Variants in PRKAR2B observed in about 807,000 individuals in gnomAD.
PRKAR2B encodes protein kinase cAMP-dependent type II regulatory subunit beta.
In PRKAR2B, 14 loss-of-function variants were observed where a neutral mutation model predicts 49.9. That is an observed-to-expected ratio of 0.28 (90% CI 0.19 to 0.44). PRKAR2B has a LOEUF of 0.44. PRKAR2B is among the 20% of genes least tolerant of loss of function. The pLI is 1.00. For missense variants in PRKAR2B, 393 were observed against 537.9 expected (o/e 0.73, Z 2.67); for synonymous variants, 196 against 197.7 (o/e 0.99, Z 0.07).
chr7:107,091,187 G>A (rs570380939), intron 2 of PRKAR2B, among the ~76,000 whole-genome samples: 1 of 152,292 alleles, frequency 6.6e-6, no homozygotes, highest in South Asian at 2.1e-4. Flanking sequence ...GTGCAAAAAG[G>A]ATCGTTTTTG....
intron 1 of PRKAR2B, among the ~76,000 whole-genome samples, chr7:107,057,943 A>G (rs1793947627): frequency 6.6e-6 from 1 of 152,174 alleles, no homozygotes; most frequent in African/African-American, 2.4e-5. Flanking sequence ...ATGAAAGTAA[A>G]GTCTTTAAAT....
intron 2 of PRKAR2B, among the ~76,000 whole-genome samples, chr7:107,100,823 C>CTTTTTTTTTTTTTTTTTTTT (rs1390181928): frequency 7.2e-6 from 1 of 139,218 alleles, no homozygotes; most frequent in Non-Finnish European, 1.6e-5. Flanking sequence ...CCAGAACTTG[C>CTTTTTTTTTTTTTTTTTTTT]TTTTTTTTTT....
chr7:107,110,027 C>T (rs372974647), intron 2 of PRKAR2B, among the ~76,000 whole-genome samples: 2 of 152,318 alleles, frequency 1.3e-5, no homozygotes, highest in East Asian at 3.9e-4. Flanking sequence ...AGGAGACAGT[C>T]TTGGGTTACC....
At chr7:107,058,496 T>C (rs1292579897) in intron 1 of PRKAR2B, among the ~76,000 whole-genome samples, 1 of 152,216 alleles carries the variant, frequency 6.6e-6, no homozygotes, top group Non-Finnish European at 1.5e-5. Context: ...TACAAATTGC[T>C]AATAATTTAT....
intron 2 of PRKAR2B, among the ~76,000 whole-genome samples, chr7:107,120,092 A>C (rs2115580835): frequency 6.6e-6 from 1 of 152,294 alleles, no homozygotes; most frequent in East Asian, 1.9e-4. Flanking sequence ...AAGTGATGAC[A>C]TTAACACCTA....
rs1347522011 is a variant in PRKAR2B, at chr7:107,121,991, A to T, written c.383A>T (p.Asp128Val). ...EAYNPDEEED[D>V]AESRIIHPKT... ...TATAATCCTGATGAAGAAGAAGATG[A>T]TGCAGAGTCCAGGGTATGTAATTTA... The change falls in exon 3 of 11, where the codon GAT becomes GTT. Residue 128 changes from aspartate (D) to valine (V), a missense_variant. By Grantham distance (152) the Asp-to-Val change is radical. Coordinates refer to ENST00000265717, the MANE Select transcript of PRKAR2B (RefSeq NM_002736.3). 4.4e-6 allele frequency: 7 copies of T among 1,597,622 alleles called. No individual in the cohort carries two copies. Among genetic ancestry groups the T allele is most frequent in the Non-Finnish European group, 6.0e-6 (7 of 1,168,242 alleles).
At chr7:107,056,440 A>G (rs1160797791) in intron 1 of PRKAR2B, among the ~76,000 whole-genome samples, 1 of 152,144 alleles carries the variant, frequency 6.6e-6, no homozygotes, top group Non-Finnish European at 1.5e-5. Flanking sequence ...GATTCTTCCT[A>G]TCCATGAGCA....
intron 2 of PRKAR2B, among the ~76,000 whole-genome samples, chr7:107,071,056 T>C (rs544224284): frequency 6.6e-6 from 1 of 152,336 alleles, no homozygotes; most frequent in South Asian, 2.1e-4. Flanking sequence ...AGTTTGGGCA[T>C]TGAGATAAAC....
chr7:107,119,469 A>G (rs771026023), intron 2 of PRKAR2B, among the ~76,000 whole-genome samples: 4 of 152,184 alleles, frequency 2.6e-5, no homozygotes, highest in Non-Finnish European at 5.9e-5. Flanking sequence ...ACTGGGCCAT[A>G]CAAATTATGT....
chr7:107,138,994 T>G (rs1424292049), intron 4 of PRKAR2B, among the ~76,000 whole-genome samples: 1 of 151,894 alleles, frequency 6.6e-6, no homozygotes, highest in East Asian at 1.9e-4. Flanking sequence ...AAATCTATTT[T>G]AAAGAAAAAA....
chr7:107,076,144 C>G (rs1055588983), intron 2 of PRKAR2B, among the ~76,000 whole-genome samples: 3 of 152,136 alleles, frequency 2.0e-5, no homozygotes, highest in African/African-American at 7.2e-5. Flanking sequence ...TCCTCTCCAT[C>G]TTTACACAGA....
intron 2 of PRKAR2B, among the ~76,000 whole-genome samples, chr7:107,115,863 T>G (rs570247610): frequency 6.6e-6 from 1 of 152,210 alleles, no homozygotes; most frequent in Non-Finnish European, 1.5e-5. Flanking sequence ...ATATTCCTTA[T>G]TGGCAGAAGA....
intron 1 of PRKAR2B, chr7:107,066,870 C>G (rs1378307409): frequency 6.6e-6 from 1 of 152,248 alleles, no homozygotes; most frequent in African/African-American, 2.4e-5. Context: ...GCCACCGTGC[C>G]TGGCCAGGTT....
At chr7:107,152,624 G>A (rs548619332) in intron 7 of PRKAR2B, among the ~76,000 whole-genome samples, 7 of 152,246 alleles carry the variant, frequency 4.6e-5, no homozygotes, top group African/African-American at 1.7e-4. Flanking sequence ...TTAAAGACAG[G>A]CATATATATG....
At chr7:107,095,750 A>G (rs889225815) in intron 2 of PRKAR2B, among the ~76,000 whole-genome samples, 4 of 152,184 alleles carry the variant, frequency 2.6e-5, no homozygotes, top group African/African-American at 7.2e-5. Context: ...TTCTGCATCT[A>G]TTGAGATAAT....
At chr7:107,065,109 A>G (rs1794107859) in intron 1 of PRKAR2B, among the ~76,000 whole-genome samples, 1 of 152,224 alleles carries the variant, frequency 6.6e-6, no homozygotes, top group Non-Finnish European at 1.5e-5. Context: ...TATTTTATTT[A>G]GACAGTTAAC....
chr7:107,055,505 C>G (rs1793894445), intron 1 of PRKAR2B, among the ~76,000 whole-genome samples: 2 of 152,160 alleles, frequency 1.3e-5, no homozygotes, highest in Non-Finnish European at 2.9e-5. Context: ...GATCGCCATT[C>G]TAACTGGTGT....
chr7:107,146,215 A>G, intron 5 of PRKAR2B, 93 bp from the exon 6 acceptor site: 1 of 1,320,410 alleles, frequency 7.6e-7, no homozygotes, highest in South Asian at 1.5e-5. Context: ...GCTGGAAATA[A>G]GATTTTTATT....
intron 2 of PRKAR2B, among the ~76,000 whole-genome samples, chr7:107,089,711 A>C (rs2116798310): frequency 6.6e-6 from 1 of 151,968 alleles, no homozygotes; most frequent in African/African-American, 2.4e-5. Flanking sequence ...TCTAAGGCCA[A>C]CCTTACTTGT....
Sources: gnomAD v4.1 joint callset for allele counts (sites outside exome capture counted in the v4.1 genomes callset) on GRCh38, gnomAD v4.1.1 for gene constraint, MANE v1.5 for transcripts, NCBI Gene and HGNC (gene_info 2026-07-23, HGNC 2026-07-21) for gene names.